TANGO6: variants seen among roughly 807,000 people sequenced by gnomAD.
The protein encoded by TANGO6 is transport and golgi organization 6 homolog, also known as transport and Golgi organization protein 6 homolog.
TANGO6 carries 90 observed loss-of-function variants against 114.2 expected under a neutral mutation model. The observed-to-expected ratio is 0.79, with a 90% confidence interval of 0.66 to 0.94. TANGO6 has a LOEUF of 0.94. TANGO6 is among the 40% of genes least tolerant of loss of function. The probability of loss-of-function intolerance (pLI) is 0.00; values close to 1 mark genes in which losing one functional copy is unlikely to be tolerated. For synonymous variants in TANGO6, 477 were observed against 509.8 expected (o/e 0.94, Z 0.87); for missense variants, 1,274 against 1,315.3 (o/e 0.97, Z 0.49).
At chr16:68,989,358 T>C (rs556758354) in intron 15 of TANGO6, among the ~76,000 whole-genome samples, 1 of 152,252 alleles carries the variant, frequency 6.6e-6, no homozygotes, top group East Asian at 1.9e-4. Flanking sequence ...CTGATCTATC[T>C]TTAGGTACAT....
rs139613937 is a variant in TANGO6 at position 68,947,166 on chromosome 16, A to G, written c.2701+16871A>G. Among the ~76,000 whole-genome samples the G allele has an allele frequency of 1.2e-3, 185 of 152,250 alleles. 2 individuals carry two copies. The highest frequency in any genetic ancestry group is 0.01 in the Admixed American group (160 of 15,276). Reference sequence around the variant, plus strand: ...AAATTGGCCATGTTGTTCTATCTTTAAAATTTAAAGGCTGGGCGCAGTGGC... The same window carrying G: ...AAATTGGCCATGTTGTTCTATCTTTGAAATTTAAAGGCTGGGCGCAGTGGC... On this transcript the variant is annotated intron_variant, in intron 14 of 17. Coordinates refer to ENST00000261778, the MANE Select transcript of TANGO6 (RefSeq NM_024562.2).
intron 15 of TANGO6, among the ~76,000 whole-genome samples, chr16:68,998,652 A>C (rs1487417696): frequency 2.0e-5 from 3 of 149,838 alleles, no homozygotes; most frequent in Non-Finnish European, 4.4e-5. Context: ...AATTGCTTGA[A>C]CCTGGAAGGC....
At chr16:68,903,921 CAAA>C (rs879335112) in intron 9 of TANGO6, among the ~76,000 whole-genome samples, 1 of 118,086 alleles carries the variant, frequency 8.5e-6, no homozygotes, top group Non-Finnish European at 1.8e-5. Context: ...GACTCTGTCT[CAAA>C]AAAAAAAAAA....
chr16:68,982,630 C>CTTTTTT lies in TANGO6; in HGVS notation c.2842+8479_2842+8484dup, dbSNP rs562523656. 9.2e-4 allele frequency among the ~76,000 whole-genome samples: 97 copies of CTTTTTT among 105,302 alleles called. 4 individuals are homozygous for CTTTTTT. Among genetic ancestry groups the CTTTTTT allele is most frequent in the African/African-American group, 4.0e-3 (84 of 21,170 alleles). 69.1% of individuals were successfully genotyped at this position (105,302 alleles called of 152,430 possible). ...CAGGCATGAGCCACCATGCCCTGGC[C>CTTTTTT]TTTTTTTTTTTTTTTTTTTTTTGTA... On this transcript the variant is annotated intron_variant, in intron 15 of 17. Transcript: ENST00000261778.
intron 15 of TANGO6, among the ~76,000 whole-genome samples, chr16:69,003,493 A>G (rs1211939297): frequency 6.6e-6 from 1 of 152,168 alleles, no homozygotes; most frequent in Non-Finnish European, 1.5e-5. Context: ...GCCATTTTTG[A>G]GCTTGTGAAG....
At chr16:68,866,763 C>G (rs929557087) in intron 3 of TANGO6, among the ~76,000 whole-genome samples, 10 of 152,026 alleles carry the variant, frequency 6.6e-5, no homozygotes, top group African/African-American at 2.2e-4. Context: ...ATGGTGAAAC[C>G]CCATCTCTAC....
At chr16:68,855,847 C>T (rs1003991405) in intron 1 of TANGO6, among the ~76,000 whole-genome samples, 14 of 149,952 alleles carry the variant, frequency 9.3e-5, no homozygotes, top group African/African-American at 3.2e-4. Flanking sequence ...ATTGTGCCAC[C>T]GCACTCTAGC....
intron 12 of TANGO6, among the ~76,000 whole-genome samples, chr16:68,924,944 C>T (rs1360463330): frequency 6.6e-6 from 1 of 152,128 alleles, no homozygotes; most frequent in Non-Finnish European, 1.5e-5. Flanking sequence ...GATCCCAGGT[C>T]ACACCCTTGA....
chr16:68,978,036 C>G (rs978550123), intron 15 of TANGO6, among the ~76,000 whole-genome samples: 2 of 152,076 alleles, frequency 1.3e-5, no homozygotes, highest in African/African-American at 4.8e-5. Context: ...GATGAACTTT[C>G]TATATTTGCC....
chr16:68,976,783 C>CT (rs1963769289), intron 15 of TANGO6, among the ~76,000 whole-genome samples: 1 of 152,116 alleles, frequency 6.6e-6, no homozygotes, highest in Non-Finnish European at 1.5e-5. Flanking sequence ...CATGCATGGC[C>CT]TATATCAGAT....
intron 14 of TANGO6, among the ~76,000 whole-genome samples, chr16:68,964,721 C>T (rs868722067): frequency 4.6e-5 from 7 of 151,796 alleles, no homozygotes; most frequent in East Asian, 1.9e-4. Context: ...GATGCATCAC[C>T]GTGCACAGCT....
At chr16:68,971,205 G>A (rs1024477274) in intron 14 of TANGO6, among the ~76,000 whole-genome samples, 33 of 151,904 alleles carry the variant, frequency 2.2e-4, no homozygotes, top group African/African-American at 7.5e-4. Context: ...TATATACCAG[G>A]CCTTGTAATA....
At chr16:69,078,050 C>CG (rs1478622733) in intron 17 of TANGO6, among the ~76,000 whole-genome samples, 2 of 151,986 alleles carry the variant, frequency 1.3e-5, no homozygotes, top group South Asian at 2.1e-4. Context: ...TACCTAGGTG[C>CG]GGGGGTTAGG....
intron 4 of TANGO6, among the ~76,000 whole-genome samples, chr16:68,870,742 TC>T (rs1221384745): frequency 2.0e-5 from 3 of 152,162 alleles, no homozygotes; most frequent in Admixed American, 6.5e-5. Context: ...AGTGCAAACT[TC>T]CTTCTGCCTG....
chr16:68,877,105 G>A (rs1483269329), intron 5 of TANGO6, among the ~76,000 whole-genome samples: 1 of 152,100 alleles, frequency 6.6e-6, no homozygotes, highest in Admixed American at 6.6e-5. Flanking sequence ...TATGCTTTAT[G>A]TACCTATTTT....
intron 12 of TANGO6, among the ~76,000 whole-genome samples, chr16:68,920,803 T>A (rs953132295): frequency 1.3e-5 from 2 of 150,878 alleles, no homozygotes; most frequent in Admixed American, 6.6e-5. Context: ...CATATTGTTT[T>A]AAAAAAAAAG....
rs751880665 is a variant in TANGO6 at position 68,843,572 on chromosome 16, G to C, written c.-46G>C. 3.8e-6 allele frequency: 6 copies of C among 1,587,744 alleles called. No individual in the cohort carries two copies. The highest frequency in any genetic ancestry group is 3.3e-5 in the South Asian group (3 of 89,724). ...CTTAACATGGCGGCGGCGGCGCCCT[G>C]CCGAGGCGCCTGAGCGGGTCGCGAG... is the stretch of plus-strand genomic sequence containing the variant. On this transcript the variant is annotated 5_prime_UTR_variant, in exon 1 of 18. Coordinates refer to ENST00000261778, the MANE Select transcript of TANGO6 (RefSeq NM_024562.2).
At chr16:68,925,204 A>G (rs1399109186) in intron 12 of TANGO6, among the ~76,000 whole-genome samples, 6 of 152,036 alleles carry the variant, frequency 3.9e-5, no homozygotes, top group Admixed American at 3.9e-4. Context: ...CAGCTACTCA[A>G]GAGGCTGAGG....
chr16:68,875,094 A>G, intron 4 of TANGO6, 60 bp from the exon 5 acceptor site: 1 of 1,520,438 alleles, frequency 6.6e-7, no homozygotes, highest in Non-Finnish European at 8.9e-7. Context: ...CAAATTTGTT[A>G]CATGGGACCT....
Sources: gnomAD v4.1 joint callset for allele counts (sites outside exome capture counted in the v4.1 genomes callset) on GRCh38, gnomAD v4.1.1 for gene constraint, MANE v1.5 for transcripts, NCBI Gene and HGNC (gene_info 2026-07-23, HGNC 2026-07-21) for gene names.